MUC7: variants seen among roughly 807,000 people sequenced by gnomAD.
The protein encoded by MUC7 is mucin-7.
In MUC7, 2 loss-of-function variants were observed where a neutral mutation model predicts 2.5. The observed-to-expected ratio is 0.81, with a 90% confidence interval of 0.33 to 2.55. The LOEUF (loss-of-function observed/expected upper bound fraction) is 2.55, where lower values mean the gene tolerates loss of function less well. Among genes scored for constraint, MUC7 ranks in the 30% most tolerant of loss-of-function variants. The pLI is 0.11. For missense variants in MUC7, 408 were observed against 455.6 expected, an observed-to-expected ratio of 0.90 and a Z score of 0.95; for synonymous variants, 133 against 173.4, an observed-to-expected ratio of 0.77 and a Z score of 1.83.
chr4:70,443,030 T>A (rs1237165722), intron 1 of MUC7, among the ~76,000 whole-genome samples: 2 of 152,160 alleles, frequency 1.3e-5, no homozygotes, highest in East Asian at 3.9e-4. Context: ...TCTTCTTTCA[T>A]CCCCAAACTC....
At chr4:70,471,443 A>G (rs1734830855), upstream of MUC7, among the ~76,000 whole-genome samples, 1 of 152,214 alleles carries the variant, frequency 6.6e-6, no homozygotes, top group Admixed American at 6.5e-5. Context: ...TGTTTGAATT[A>G]TTAATATTGT....
At chr4:70,460,572 C>T (rs973840150) in intron 1 of MUC7, among the ~76,000 whole-genome samples, 1 of 151,794 alleles carries the variant, frequency 6.6e-6, no homozygotes, top group Admixed American at 6.6e-5. Flanking sequence ...CTTCTTACAG[C>T]CCCAGAAAGG....
chr4:70,462,385 C>T (rs1477263894), intron 1 of MUC7, among the ~76,000 whole-genome samples: 1 of 152,070 alleles, frequency 6.6e-6, no homozygotes, highest in East Asian at 1.9e-4. Flanking sequence ...TCAATGTCAC[C>T]TTATCCATTA....
At chr4:70,432,613 T>C (rs1224027353) in intron 1 of MUC7, among the ~76,000 whole-genome samples, 3 of 152,222 alleles carry the variant, frequency 2.0e-5, no homozygotes, top group Non-Finnish European at 2.9e-5. Context: ...TAAATTTGTT[T>C]AAGCTCTTTG....
chr4:70,462,074 CAG>C (rs1326875635), intron 1 of MUC7, among the ~76,000 whole-genome samples: 1 of 151,984 alleles, frequency 6.6e-6, no homozygotes, highest in Non-Finnish European at 1.5e-5. Flanking sequence ...AGTAGCCACT[CAG>C]GTGGCAGACA....
chr4:70,465,904 A>T (rs558008664), intron 1 of MUC7, among the ~76,000 whole-genome samples: 10 of 152,334 alleles, frequency 6.6e-5, no homozygotes, highest in African/African-American at 1.9e-4. Flanking sequence ...AGAACACCAC[A>T]AGGATACTCA....
chr4:70,468,842 T>G (rs1734753894), upstream of MUC7, among the ~76,000 whole-genome samples: 1 of 152,138 alleles, frequency 6.6e-6, no homozygotes, highest in Admixed American at 6.6e-5. Context: ...TAAAGTAATT[T>G]ATAGATTCAA....
intron 2 of MUC7, among the ~76,000 whole-genome samples, chr4:70,475,114 A>G (rs2109742333): frequency 6.6e-6 from 1 of 152,232 alleles, no homozygotes; most frequent in East Asian, 1.9e-4. Flanking sequence ...CCCCGTCTCT[A>G]TTAAAAATAC....
chr4:70,440,360 A>T (rs78384708), intron 1 of MUC7, among the ~76,000 whole-genome samples: 2,896 of 152,284 alleles, frequency 0.019, 88 homozygotes, highest in African/African-American at 0.064. Context: ...ATATACAATA[A>T]TATTTCTCAT....
intron 1 of MUC7, among the ~76,000 whole-genome samples, chr4:70,454,080 T>G (rs1211915607): frequency 3.3e-5 from 5 of 152,024 alleles, no homozygotes; most frequent in Non-Finnish European, 5.9e-5. Flanking sequence ...AAGGACTCTC[T>G]CATTGCTTCA....
intron 2 of MUC7, among the ~76,000 whole-genome samples, chr4:70,477,272 A>C (rs1735031545): frequency 6.6e-6 from 1 of 152,012 alleles, no homozygotes; most frequent in South Asian, 2.1e-4. Context: ...TTAGCCAGGC[A>C]TGCAGTACAC....
chr4:70,449,602 G>C (rs1043342527), intron 1 of MUC7, among the ~76,000 whole-genome samples: 2 of 152,102 alleles, frequency 1.3e-5, no homozygotes, highest in Admixed American at 6.5e-5. Context: ...TCTTGGGAAG[G>C]CTTTCCAGAT....
chr4:70,459,559 A>G (rs1239166703), intron 1 of MUC7, among the ~76,000 whole-genome samples: 2 of 152,182 alleles, frequency 1.3e-5, no homozygotes, highest in African/African-American at 4.8e-5. Flanking sequence ...GGGCACATGT[A>G]CCCTAAAACT....
upstream of MUC7, among the ~76,000 whole-genome samples, chr4:70,468,488 C>T (rs1734738197): frequency 6.6e-6 from 1 of 152,186 alleles, no homozygotes; most frequent in Non-Finnish European, 1.5e-5. Flanking sequence ...TTGCAGATGA[C>T]ATGATTGTAT....
At chr4:70,439,735 T>C (rs1224492951) in intron 1 of MUC7, among the ~76,000 whole-genome samples, 2 of 152,096 alleles carry the variant, frequency 1.3e-5, no homozygotes, top group Non-Finnish European at 2.9e-5. Context: ...AATAAGACTG[T>C]TTAGAAGTGA....
intron 1 of MUC7, among the ~76,000 whole-genome samples, chr4:70,466,376 A>G (rs1734683221): frequency 6.6e-6 from 1 of 152,220 alleles, no homozygotes; most frequent in Admixed American, 6.5e-5. Context: ...ACCAGCTAAC[A>G]TCATAACGAC....
At position 70,472,628 on chromosome 4, in the gene MUC7, CATT is replaced by C. The variant is rs1349480354; in HGVS notation, c.-16+341_-16+343del. 5.3e-5 allele frequency among the ~76,000 whole-genome samples: 8 copies of C among 152,196 alleles called. No individual in the cohort carries two copies. The East Asian group carries it at 1.5e-3, about 29-fold the overall frequency. ...CACTGAGACTTTATTATGGATAAGA[CATT>C]ATTCTCAGTACGATTTGTAATATAT... On this transcript the variant is annotated intron_variant, in intron 1 of 2. Transcript: ENST00000304887.
chr4:70,430,872 C>T (rs1733640312), intron 1 of MUC7, among the ~76,000 whole-genome samples: 1 of 152,030 alleles, frequency 6.6e-6, no homozygotes, highest in Admixed American at 6.6e-5. Flanking sequence ...TGTAATTTAA[C>T]AGTATGACAA....
In MUC7 at chr4:70,465,283, G is replaced by A. The variant is rs548203259; in HGVS notation, c.-92-6932G>A. Among the ~76,000 whole-genome samples, 27 of 152,236 alleles carry A rather than the reference G, an allele frequency of 1.8e-4. No individual in the cohort carries two copies. In the East Asian group the frequency reaches 4.8e-3, roughly 27 times the overall value. ...AAAGACCAATGGTAGATAAATCCACGAAGATGAGGAAAACCAGCACAAAAA... is the reference window on the plus strand; with the variant it reads ...AAAGACCAATGGTAGATAAATCCACAAAGATGAGGAAAACCAGCACAAAAA... On this transcript the variant is annotated intron_variant, in intron 1 of 3. Coordinates refer to the MUC7 transcript ENST00000413702.
Sources: allele counts gnomAD v4.1 joint callset (sites outside exome capture counted in the v4.1 genomes callset), GRCh38; gene constraint gnomAD v4.1.1; transcripts MANE v1.5; gene names NCBI Gene and HGNC (gene_info 2026-07-23, HGNC 2026-07-21).